KDM5B: variants seen among roughly 807,000 people sequenced by gnomAD.
KDM5B encodes the protein lysine-specific demethylase 5B.
A neutral mutation model predicts 193.4 loss-of-function variants in KDM5B; 144 were observed. The observed-to-expected ratio is 0.74, with a 90% confidence interval of 0.65 to 0.86. The LOEUF is 0.86. Ranked by LOEUF, KDM5B falls within the 40% of genes least tolerant of loss-of-function variation. The pLI is 0.00. For synonymous variants in KDM5B, 668 were observed against 682.6 expected, an observed-to-expected ratio of 0.98 and a Z score of 0.33; for missense variants, 1,833 against 1,886.9, an observed-to-expected ratio of 0.97 and a Z score of 0.53.
At chr1:202,762,351 G>GC (rs1656285860) in intron 7 of KDM5B, among the ~76,000 whole-genome samples, 1 of 152,038 alleles carries the variant, frequency 6.6e-6, no homozygotes. Context: ...TTTTGAGCGA[G>GC]CCTTCAGCTC....
At chr1:202,766,534 G>A (rs1656467764) in intron 5 of KDM5B, 1 of 431,122 alleles carries the variant, frequency 2.3e-6, no homozygotes, top group Admixed American at 2.8e-5. Context: ...TCTGAGAAAA[G>A]TGGCTTTAAC....
chr1:202,807,348 T>G (rs1179118130), intron 1 of KDM5B: 3 of 151,302 alleles, frequency 2.0e-5, no homozygotes, highest in African/African-American at 7.3e-5. Context: ...CCGCCCGTCC[T>G]GCCCCCGCCG....
intron 1 of KDM5B, among the ~76,000 whole-genome samples, chr1:202,787,717 T>C (rs1218513670): frequency 6.6e-6 from 1 of 151,134 alleles, no homozygotes; most frequent in Non-Finnish European, 1.5e-5. Flanking sequence ...ACCCTGTCTC[T>C]ACTTTAAAAA....
At chr1:202,734,656 G>A (rs1655029890) in intron 22 of KDM5B, among the ~76,000 whole-genome samples, 1 of 152,200 alleles carries the variant, frequency 6.6e-6, no homozygotes, top group Admixed American at 6.5e-5. Flanking sequence ...ACCACAGATG[G>A]AATGGAGGAC....
intron 22 of KDM5B, among the ~76,000 whole-genome samples, 185 bp from the exon 23 acceptor site, chr1:202,734,071 G>T (rs1655002117): frequency 6.6e-6 from 1 of 152,080 alleles, no homozygotes; most frequent in Non-Finnish European, 1.5e-5. Flanking sequence ...ATTTCTGCAT[G>T]TGTAAAATGG....
At chr1:202,772,832 G>A (rs974876473) in intron 4 of KDM5B, among the ~76,000 whole-genome samples, 2 of 151,846 alleles carry the variant, frequency 1.3e-5, no homozygotes, top group East Asian at 3.9e-4. Flanking sequence ...TAGTAGCTGG[G>A]ATTACAGGCA....
At position 202,725,631 on chromosome 1, in the gene KDM5B, T is replaced by A. The variant is rs531294132; in HGVS notation, c.*3405A>T. The A allele has an allele frequency of 6.6e-5, 10 of 152,318 alleles. No individual in the cohort carries two copies. The highest frequency in any genetic ancestry group is 2.2e-4 in the African/African-American group (9 of 41,552). The allele number at this position is 152,318 out of a possible 1,614,324, so 9.4% of individuals were successfully genotyped here. ...CAGCTTGTCTTCCCAAGAAGCAATG[T>A]TTCATCAGAAGGGATTGGGTTTTCG... On this transcript the variant is annotated 3_prime_UTR_variant, in exon 27 of 27. Coordinates refer to ENST00000367265, the MANE Select transcript of KDM5B (RefSeq NM_006618.5).
intron 1 of KDM5B, among the ~76,000 whole-genome samples, chr1:202,799,182 C>G (rs1234742765): frequency 1.3e-5 from 2 of 152,206 alleles, no homozygotes; most frequent in East Asian, 3.8e-4. Flanking sequence ...TTAGTCTGGA[C>G]AGCAGCCCTA....
chr1:202,726,250 C>G lies in KDM5B; in HGVS notation c.*2786G>C, dbSNP rs1430630763. 6.6e-6 allele frequency: 1 copy of G among 152,172 alleles called. No individual in the cohort carries two copies. The highest frequency in any genetic ancestry group is 6.5e-5 in the Admixed American group (1 of 15,278). The allele number at this position is 152,172 out of a possible 1,614,324, so 9.4% of individuals were successfully genotyped here. A position where few individuals can be genotyped will look rare whatever the true frequency, so the allele number is the denominator to read the frequency against. ...CAGGGAAATTCAGGTTTTTAACAACCTCCATCACCACAAGTGGCATCTCTC... is the reference window on the plus strand; with the variant it reads ...CAGGGAAATTCAGGTTTTTAACAACGTCCATCACCACAAGTGGCATCTCTC... On this transcript the variant is annotated 3_prime_UTR_variant, in exon 27 of 27. Transcript: ENST00000367265.
At chr1:202,744,787 C>A (rs1655487835) in intron 16 of KDM5B, among the ~76,000 whole-genome samples, 1 of 152,146 alleles carries the variant, frequency 6.6e-6, no homozygotes, top group Non-Finnish European at 1.5e-5. Flanking sequence ...CCGAGCAATG[C>A]CATTACTGGG....
intron 1 of KDM5B, among the ~76,000 whole-genome samples, chr1:202,778,989 G>A (rs1009122162): frequency 6.6e-6 from 1 of 152,096 alleles, no homozygotes; most frequent in Admixed American, 6.6e-5. Context: ...GGCGGAACAG[G>A]CTTTACAGTA....
chr1:202,737,720 G>A (rs1241237216), intron 20 of KDM5B, among the ~76,000 whole-genome samples: 1 of 152,188 alleles, frequency 6.6e-6, no homozygotes, highest in Non-Finnish European at 1.5e-5. Context: ...AGAAGGTGGA[G>A]CATACCATGG....
rs1464148135 is a variant in KDM5B at position 202,752,944 on chromosome 1, G to A, written c.1662C>T (p.Thr554=). The A allele has an allele frequency of 1.2e-6, 2 of 1,614,036 alleles. 1 individual carries two copies. The highest frequency in any genetic ancestry group is 3.3e-5 in the Admixed American group (2 of 59,996). Residue 554 remains threonine (T), a synonymous_variant, in exon 12 of 27, where the codon ACC becomes ACT. Coordinates refer to ENST00000367265, the MANE Select transcript of KDM5B (RefSeq NM_006618.5). ...SQPDLLHQLV[T]IMNPNTLMTH... is the part of the protein sequence containing the mutation. ...TCATCAGGGTATTGGGGTTCATGATGGTCACAAGCTGATGGAGGAGATCCG... is the reference window on the plus strand; with the variant it reads ...TCATCAGGGTATTGGGGTTCATGATAGTCACAAGCTGATGGAGGAGATCCG...
At chr1:202,774,792 A>T in intron 2 of KDM5B, 57 bp from the exon 3 acceptor site, 1 of 1,509,710 alleles carries the variant, frequency 6.6e-7, no homozygotes. Flanking sequence ...AGCTCCTATT[A>T]CCTGCCATTA....
intron 1 of KDM5B, chr1:202,797,103 G>C (rs1417625885): frequency 1.3e-5 from 2 of 152,256 alleles, no homozygotes; most frequent in Admixed American, 1.3e-4. Flanking sequence ...GCCATTCAAA[G>C]GGGCAAGGAG....
intron 6 of KDM5B, among the ~76,000 whole-genome samples, chr1:202,763,142 G>A (rs746441979): frequency 2.3e-4 from 35 of 152,100 alleles, no homozygotes; most frequent in Non-Finnish European, 3.8e-4. Context: ...GACTACAAGA[G>A]ACCAACAGTT....
At position 202,773,321 on chromosome 1, in the gene KDM5B, T is replaced by C; in HGVS notation, c.406-33A>G. The C allele has an allele frequency of 3.8e-6, 6 of 1,585,044 alleles. No individual in the cohort carries two copies. The African/African-American group carries it at 5.4e-5, about 14-fold the overall frequency. On this transcript the variant is annotated intron_variant, in intron 3 of 26. Transcript: ENST00000367265. ...AATAGCAAAATTAGAAACAACTATA[T>C]GGAAGTCACTTCTAATCACATCTAA...
Position 202,764,648 on chromosome 1 carries a change from C to CAAACAAAA in KDM5B, c.712-511_712-504dup, listed in dbSNP as rs1282454992. Among the ~76,000 whole-genome samples the CAAACAAAA allele has an allele frequency of 3.6e-4, 55 of 151,754 alleles. 1 individual carries two copies. Among genetic ancestry groups the CAAACAAAA allele is most frequent in the Admixed American group, 3.3e-4 (5 of 15,214 alleles). ...AGACTCTATCTCAAAAACAAACAAA[C>CAAACAAAA]AAACAAAAAAACAAATAGGGAAAAG... On this transcript the variant is annotated intron_variant, in intron 5 of 26. Coordinates refer to ENST00000367265, the MANE Select transcript of KDM5B (RefSeq NM_006618.5).
rs749951029 is a variant in KDM5B, at chr1:202,762,787, A to G, written c.830T>C (p.Ile277Thr). ...TTTCCTCTCAATAGGTTCTTGCTTGATGCTACTCTTCATTTCTTTCTCTGT... is the reference window on the plus strand; with the variant it reads ...TTTCCTCTCAATAGGTTCTTGCTTGGTGCTACTCTTCATTTCTTTCTCTGT... ...CENEKEMKSS[I>T]KQEPIERKDY... Residue 277 changes from isoleucine (I) to threonine (T), a missense_variant, in exon 7 of 27, where the codon ATC (isoleucine) becomes ACC (threonine). By Grantham distance (89) the Ile-to-Thr change is moderately conservative (BLOSUM62 -1). Transcript: ENST00000367265. 1.1e-5 allele frequency: 17 copies of G among 1,604,750 alleles called. No individual in the cohort carries two copies. Among genetic ancestry groups the G allele is most frequent in the Non-Finnish European group, 1.5e-5 (17 of 1,171,726 alleles).
Sources: gnomAD v4.1 joint callset for allele counts (sites outside exome capture counted in the v4.1 genomes callset) on GRCh38, gnomAD v4.1.1 for gene constraint, MANE v1.5 for transcripts, NCBI Gene and HGNC (gene_info 2026-07-23, HGNC 2026-07-21) for gene names.